The following DPYD variants were observed in gnomAD, a reference collection of about 807,000 sequenced individuals.
The protein encoded by DPYD is dihydropyrimidine dehydrogenase [NADP(+)].
In DPYD, 109 loss-of-function variants were observed where a neutral mutation model predicts 116.2. That is an observed-to-expected ratio of 0.94 (90% CI 0.80 to 1.10). DPYD has a LOEUF of 1.10. Ranked by LOEUF, DPYD falls within the 50% of genes least tolerant of loss-of-function variation. DPYD has a pLI of 0.00. For synonymous variants in DPYD, 440 were observed against 432.0 expected (o/e 1.02, Z -0.23); for missense variants, 1,302 against 1,254.5 (o/e 1.04, Z -0.57).
intron 3 of DPYD, among the ~76,000 whole-genome samples, chr1:97,822,384 AATATATAAATAATAT>A (rs1557988092): frequency 6.8e-6 from 1 of 147,990 alleles, no homozygotes; most frequent in African/African-American, 2.5e-5. Context: ...TCTAAATATG[AATATATAAATAATAT>A]ATATTTATAT....
intron 14 of DPYD, among the ~76,000 whole-genome samples, chr1:97,422,891 T>A (rs1674662974): frequency 6.6e-6 from 1 of 151,736 alleles, no homozygotes; most frequent in Admixed American, 6.6e-5. Flanking sequence ...TGTAATACAG[T>A]TCACCCTTTC....
chr1:97,097,383 G>T (rs1441127925), intron 21 of DPYD, among the ~76,000 whole-genome samples: 1 of 152,112 alleles, frequency 6.6e-6, no homozygotes. Context: ...GACTGCTAAA[G>T]ATGAATTTCA....
intron 18 of DPYD, among the ~76,000 whole-genome samples, chr1:97,237,241 C>CAAAA (rs58926889): frequency 0.015 from 891 of 57,530 alleles, 47 homozygotes; most frequent in Non-Finnish European, 0.021. Flanking sequence ...GATTCTGTCT[C>CAAAA]AAAAAAAAAA....
At chr1:97,348,948 C>G (rs1014375645) in intron 16 of DPYD, among the ~76,000 whole-genome samples, 1 of 152,262 alleles carries the variant, frequency 6.6e-6, no homozygotes, top group East Asian at 1.9e-4. Flanking sequence ...TAAGGAAAGA[C>G]ACAGTGAGGA....
intron 20 of DPYD, among the ~76,000 whole-genome samples, chr1:97,165,332 G>C (rs999831834): frequency 1.3e-5 from 2 of 152,234 alleles, no homozygotes; most frequent in Admixed American, 1.3e-4. Flanking sequence ...ATGGGGAAAA[G>C]ACTCCCTGTT....
At position 97,724,980 on chromosome 1, in the gene DPYD, A is replaced by AGAGAGG. The variant is rs1553228338; in HGVS notation, c.322-3310_322-3309insCCTCTC. 3.3e-5 allele frequency among the ~76,000 whole-genome samples: 5 copies of AGAGAGG among 149,688 alleles called. No individual in the cohort carries two copies. In the Admixed American group the frequency reaches 3.3e-4, roughly 10 times the overall value. ...GAGAGAGAGAGAGAGAGAGAGAGAG[A>AGAGAGG]GAGAGAAAGTTATCCAGATTGGAAA... On this transcript the variant is annotated intron_variant, in intron 4 of 22. Transcript: ENST00000370192.
At chr1:97,657,849 A>G (rs1659030574) in intron 8 of DPYD, among the ~76,000 whole-genome samples, 1 of 152,184 alleles carries the variant, frequency 6.6e-6, no homozygotes, top group Admixed American at 6.5e-5. Flanking sequence ...CTTCTCAGAG[A>G]CCATGCACTA....
intron 20 of DPYD, among the ~76,000 whole-genome samples, chr1:97,099,765 C>A (rs897820866): frequency 1.3e-5 from 2 of 152,032 alleles, no homozygotes; most frequent in Non-Finnish European, 2.9e-5. Flanking sequence ...AAACACTGGC[C>A]TCCACATTTC....
At chr1:97,121,586 A>G (rs1652431639) in intron 20 of DPYD, among the ~76,000 whole-genome samples, 1 of 152,128 alleles carries the variant, frequency 6.6e-6, no homozygotes, top group Admixed American at 6.5e-5. Flanking sequence ...GAATGGCTGC[A>G]TTATATAGGT....
intron 18 of DPYD, among the ~76,000 whole-genome samples, chr1:97,258,850 T>TTAAG (rs1344323087): frequency 6.6e-6 from 1 of 152,128 alleles, no homozygotes; most frequent in Non-Finnish European, 1.5e-5. Context: ...ATTTAAGAAT[T>TTAAG]GTCTATAAAC....
intron 18 of DPYD, among the ~76,000 whole-genome samples, chr1:97,250,042 C>T (rs538513525): frequency 2.0e-5 from 3 of 152,084 alleles, no homozygotes; most frequent in Non-Finnish European, 2.9e-5. Context: ...GAGGCCAAGG[C>T]GGGCGGATCA....
chr1:97,443,671 T>A (rs1169200603), intron 14 of DPYD, among the ~76,000 whole-genome samples: 1 of 152,248 alleles, frequency 6.6e-6, no homozygotes, highest in Non-Finnish European at 1.5e-5. Context: ...CGTTCTTTGA[T>A]AAGTAACAAA....
chr1:97,824,152 T>C (rs373660446), intron 3 of DPYD, among the ~76,000 whole-genome samples: 100 of 152,260 alleles, frequency 6.6e-4, no homozygotes, highest in African/African-American at 2.4e-3. Context: ...GTTAATTCTG[T>C]TGGGCTTTCT....
At chr1:97,904,776 G>A (rs1220617810) in intron 1 of DPYD, among the ~76,000 whole-genome samples, 1 of 151,968 alleles carries the variant, frequency 6.6e-6, no homozygotes, top group Non-Finnish European at 1.5e-5. Context: ...ATGTTAATCA[G>A]CTTGTTTACT....
intron 3 of DPYD, among the ~76,000 whole-genome samples, chr1:97,765,566 T>C (rs900746331): frequency 1.3e-5 from 2 of 152,172 alleles, no homozygotes; most frequent in African/African-American, 4.8e-5. Flanking sequence ...ACAGAATAGT[T>C]TGACAGCCTT....
intron 10 of DPYD, among the ~76,000 whole-genome samples, chr1:97,583,507 G>C (rs937020562): frequency 2.0e-5 from 3 of 152,040 alleles, no homozygotes; most frequent in African/African-American, 7.2e-5. Flanking sequence ...TGCCTTTGTA[G>C]TTCCTCCTTT....
chr1:97,291,448 CAAT>C (rs1666163987), intron 18 of DPYD, among the ~76,000 whole-genome samples: 1 of 151,584 alleles, frequency 6.6e-6, no homozygotes, highest in Admixed American at 6.6e-5. Flanking sequence ...AAATGTCCAA[CAAT>C]GATAGACTGG....
intron 13 of DPYD, among the ~76,000 whole-genome samples, chr1:97,460,578 C>T (rs369206595): frequency 9.8e-5 from 15 of 152,288 alleles, no homozygotes; most frequent in African/African-American, 3.6e-4. Flanking sequence ...GTCTCTCTGG[C>T]CTTCTCCCAG....
intron 8 of DPYD, among the ~76,000 whole-genome samples, chr1:97,637,225 C>T (rs1176753178): frequency 6.6e-6 from 1 of 152,036 alleles, no homozygotes; most frequent in Non-Finnish European, 1.5e-5. Context: ...CATAAATGAA[C>T]ATTATCACAA....
Sources: gnomAD v4.1 joint callset for allele counts (sites outside exome capture counted in the v4.1 genomes callset) on GRCh38, gnomAD v4.1.1 for gene constraint, MANE v1.5 for transcripts, NCBI Gene and HGNC (gene_info 2026-07-23, HGNC 2026-07-21) for gene names.